The following FAM171B variants were observed in gnomAD, a reference collection of about 807,000 sequenced individuals.
FAM171B encodes protein FAM171B.
FAM171B carries 19 observed loss-of-function variants against 75.6 expected under a neutral mutation model. The observed-to-expected ratio is 0.25, with a 90% CI of 0.18 to 0.37. The LOEUF is 0.37. Ranked by LOEUF, FAM171B falls within the 10% of genes least tolerant of loss-of-function variation. The pLI is 1.00. For synonymous variants in FAM171B, 367 were observed against 361.7 expected, an observed-to-expected ratio of 1.01 and a Z score of -0.17; for missense variants, 848 against 982.4, an observed-to-expected ratio of 0.86 and a Z score of 1.83.
chr2:186,716,751 T>A (rs1689880523), intron 1 of FAM171B, among the ~76,000 whole-genome samples: 1 of 152,240 alleles, frequency 6.6e-6, no homozygotes, highest in African/African-American at 2.4e-5. Context: ...TTTCTAGGTC[T>A]GTTTAAGTTC....
At chr2:186,695,656 G>C (rs1022473605) in intron 1 of FAM171B, among the ~76,000 whole-genome samples, 1 of 152,182 alleles carries the variant, frequency 6.6e-6, no homozygotes, top group South Asian at 2.1e-4. Flanking sequence ...TCACCAAAGT[G>C]TGCAGGAAAG....
At chr2:186,718,587 A>C (rs75200008) in intron 1 of FAM171B, among the ~76,000 whole-genome samples, 2,674 of 152,154 alleles carry the variant, frequency 0.018, 37 homozygotes, top group Non-Finnish European at 0.027. Context: ...TTCCCATTAG[A>C]TTTTGAATTA....
chr2:186,742,874 C>T (rs1376300981), intron 2 of FAM171B, among the ~76,000 whole-genome samples: 2 of 152,144 alleles, frequency 1.3e-5, no homozygotes, highest in African/African-American at 4.8e-5. Context: ...TAACTCATCC[C>T]AACAGGTAGT....
chr2:186,699,478 G>A (rs369747341), intron 1 of FAM171B, among the ~76,000 whole-genome samples: 1 of 151,956 alleles, frequency 6.6e-6, no homozygotes, highest in South Asian at 2.1e-4. Context: ...GGATTATTGG[G>A]TTTTTTTGCC....
At chr2:186,760,560 C>T (rs930411650) in intron 6 of FAM171B, among the ~76,000 whole-genome samples, 10 of 152,016 alleles carry the variant, frequency 6.6e-5, no homozygotes, top group South Asian at 6.2e-4. Context: ...ACCAGTTTTA[C>T]GGCCTCTTGA....
chr2:186,752,322 A>G (rs895096592), intron 5 of FAM171B, among the ~76,000 whole-genome samples: 1 of 152,184 alleles, frequency 6.6e-6, no homozygotes, highest in Non-Finnish European at 1.5e-5. Flanking sequence ...TCAAAACTTG[A>G]AATGGGATTT....
At chr2:186,715,458 C>G (rs531871753) in intron 1 of FAM171B, among the ~76,000 whole-genome samples, 7 of 152,240 alleles carry the variant, frequency 4.6e-5, no homozygotes, top group African/African-American at 1.4e-4. Flanking sequence ...AGGCCTCCCC[C>G]TCACAGAATG....
At chr2:186,733,519 T>C (rs1319483260) in intron 1 of FAM171B, among the ~76,000 whole-genome samples, 3 of 152,188 alleles carry the variant, frequency 2.0e-5, no homozygotes, top group African/African-American at 7.2e-5. Context: ...CAAGTTTTGC[T>C]CAGGCCCACT....
chr2:186,714,233 G>A lies in FAM171B; in HGVS notation c.238+19822G>A, dbSNP rs921369712. Among the ~76,000 whole-genome samples, 9 of 151,880 alleles carry A rather than the reference G, an allele frequency of 5.9e-5. No individual in the cohort carries two copies. In the South Asian group the frequency reaches 8.3e-4, roughly 14 times the overall value. The stretch of plus-strand genomic sequence containing the variant: ...GCATTAACATTATAATGGAGGCAGC[G>A]GATTGATTAATATATTGATTAGATC... On this transcript the variant is annotated intron_variant, in intron 1 of 7. Transcript: ENST00000304698.
Position 186,694,121 on chromosome 2 carries a change from C to T in FAM171B, c.-53C>T. ...GCCAGGAGCCCGCAGCCCTGGCGCC[C>T]GCCGCCGCCCGGAGCCCCGCAATAT... On this transcript the variant is annotated 5_prime_UTR_variant, in exon 1 of 8. Coordinates refer to ENST00000304698, the MANE Select transcript of FAM171B (RefSeq NM_177454.4). 2 of 1,426,604 alleles carry T rather than the reference C, an allele frequency of 1.4e-6. No homozygotes were observed. The highest frequency in any genetic ancestry group is 2.8e-5 in the East Asian group (1 of 36,264). 88.4% of individuals were successfully genotyped at this position (1,426,604 alleles called of 1,614,324 possible).
At chr2:186,721,561 TAA>T (rs1401782247) in intron 1 of FAM171B, among the ~76,000 whole-genome samples, 7 of 152,206 alleles carry the variant, frequency 4.6e-5, no homozygotes, top group Non-Finnish European at 1.0e-4. Flanking sequence ...AGATATACAC[TAA>T]GAGTTCATAA....
chr2:186,735,266 G>T (rs1574106443), intron 1 of FAM171B, among the ~76,000 whole-genome samples: 1 of 152,308 alleles, frequency 6.6e-6, no homozygotes, highest in African/African-American at 2.4e-5. Flanking sequence ...CTGCTGATTG[G>T]TTGGGTTGGA....
chr2:186,754,792 A>G (rs1287194090), intron 6 of FAM171B, among the ~76,000 whole-genome samples: 1 of 152,174 alleles, frequency 6.6e-6, no homozygotes, highest in African/African-American at 2.4e-5. Context: ...AATGAGACCC[A>G]ACACAAATTT....
chr2:186,757,162 G>T (rs2105791962), intron 6 of FAM171B, among the ~76,000 whole-genome samples: 1 of 152,254 alleles, frequency 6.6e-6, no homozygotes, highest in Non-Finnish European at 1.5e-5. Context: ...GGTGCTGAAA[G>T]CTACAGGCTT....
chr2:186,747,926 T>A (rs1559091164), intron 4 of FAM171B, among the ~76,000 whole-genome samples: 3 of 150,228 alleles, frequency 2.0e-5, no homozygotes, highest in South Asian at 2.1e-4. Context: ...TGTTCCACCA[T>A]TTTTTTTTTC....
At chr2:186,698,915 T>A (rs1689617567) in intron 1 of FAM171B, among the ~76,000 whole-genome samples, 1 of 152,166 alleles carries the variant, frequency 6.6e-6, no homozygotes, top group South Asian at 2.1e-4. Flanking sequence ...TTATTTTACT[T>A]AATGTCCTCC....
chr2:186,721,138 C>T (rs1689947392), intron 1 of FAM171B, among the ~76,000 whole-genome samples: 1 of 152,250 alleles, frequency 6.6e-6, no homozygotes. Context: ...CATTTTAGGT[C>T]AGTGGTTCTC....
Position 186,763,115 on chromosome 2 carries a change from T to C in FAM171B, c.*292T>C, listed in dbSNP as rs1461587733. 1.6e-5 allele frequency: 5 copies of C among 311,942 alleles called. No homozygotes were observed. Among genetic ancestry groups the C allele is most frequent in the Non-Finnish European group, 3.0e-5 (5 of 168,022 alleles). 19.3% of individuals were successfully genotyped at this position (311,942 alleles called of 1,614,324 possible). ...TGTTGCTCAGCCAGCCAGTTTGGCC[T>C]TGACTCTCTTAAGAATAACAGTGAA... On this transcript the variant is annotated 3_prime_UTR_variant, in exon 8 of 8. Coordinates refer to ENST00000304698, the MANE Select transcript of FAM171B (RefSeq NM_177454.4).
In FAM171B at chr2:186,751,305, G is replaced by A; in HGVS notation, c.895+1G>A. On this transcript the variant is annotated splice_donor_variant, in intron 5 of 7. Coordinates refer to ENST00000304698, the MANE Select transcript of FAM171B (RefSeq NM_177454.4). LOFTEE classifies it high-confidence loss of function. ...GCTTGGACATTTGATATGAACACAG[G>A]TATGTGAGCTAGGTTAAAATAGTCT... 1 of 1,556,652 alleles carries A rather than the reference G, an allele frequency of 6.4e-7. No individual in the cohort carries two copies. Among genetic ancestry groups the A allele is most frequent in the Non-Finnish European group, 8.7e-7 (1 of 1,145,660 alleles).
Sources: gnomAD v4.1 joint callset for allele counts (sites outside exome capture counted in the v4.1 genomes callset) on GRCh38, gnomAD v4.1.1 for gene constraint, MANE v1.5 for transcripts, NCBI Gene and HGNC (gene_info 2026-07-23, HGNC 2026-07-21) for gene names.